TMPRSS15: variants seen among roughly 807,000 people sequenced by gnomAD.
The protein encoded by TMPRSS15 is transmembrane serine protease 15, also known as enteropeptidase.
A neutral mutation model predicts 125.3 loss-of-function variants in TMPRSS15; 128 were observed. The observed-to-expected ratio is 1.02, with a 90% CI of 0.89 to 1.18. The LOEUF is 1.18. Ranked by LOEUF, TMPRSS15 falls within the 50% of genes most tolerant of loss-of-function variation. The probability of loss-of-function intolerance (pLI) is 0.00; values close to 1 mark genes in which losing one functional copy is unlikely to be tolerated. For synonymous variants in TMPRSS15, 446 were observed against 423.2 expected (o/e 1.05, Z -0.66); for missense variants, 1,283 against 1,212.7 (o/e 1.06, Z -0.86).
At chr21:18,430,311 G>T (rs896596244) in intron 1 of TMPRSS15, among the ~76,000 whole-genome samples, 4 of 152,156 alleles carry the variant, frequency 2.6e-5, no homozygotes, top group Non-Finnish European at 5.9e-5. Flanking sequence ...AAGATGTGTA[G>T]TATCTGTCCA....
At position 18,291,023 on chromosome 21, in the gene TMPRSS15, A is replaced by C. The variant is rs539232049; in HGVS notation, c.2486+3247T>G. ...ATATGTTGAATATCTATTGTGCAAG[A>C]CTTGGCGTCTTCTTTCATAGAGCTT... On this transcript the variant is annotated intron_variant, in intron 21 of 24. Coordinates refer to ENST00000284885, the MANE Select transcript of TMPRSS15 (RefSeq NM_002772.3). Among the ~76,000 whole-genome samples, 15 of 152,358 alleles carry C rather than the reference A, an allele frequency of 9.8e-5. No individual in the cohort carries two copies. In the South Asian group the frequency reaches 2.7e-3, roughly 27 times the overall value.
chr21:18,327,366 A>C (rs563748536), intron 15 of TMPRSS15, among the ~76,000 whole-genome samples: 1 of 152,324 alleles, frequency 6.6e-6, no homozygotes, highest in East Asian at 1.9e-4. Flanking sequence ...AAACTATTTA[A>C]AATTTTTTAT....
chr21:18,273,612 T>C (rs1240406433), intron 24 of TMPRSS15, among the ~76,000 whole-genome samples: 1 of 152,178 alleles, frequency 6.6e-6, no homozygotes, highest in Non-Finnish European at 1.5e-5. Context: ...TCAGCCGTCA[T>C]ATTTTCTGCC....
rs150631028 is a variant in TMPRSS15 at position 18,318,377 on chromosome 21, C to G, written c.1922-3121G>C. Reference sequence around the variant, plus strand: ...AACAGAGCTGGCATTTGGCCAGAAGCTGGTGTTTGCCAAATGAAAACTACA... The same window carrying G: ...AACAGAGCTGGCATTTGGCCAGAAGGTGGTGTTTGCCAAATGAAAACTACA... On this transcript the variant is annotated intron_variant, in intron 16 of 24. Coordinates refer to ENST00000284885, the MANE Select transcript of TMPRSS15 (RefSeq NM_002772.3). Among the ~76,000 whole-genome samples, 1,010 of 152,162 alleles carry G rather than the reference C, an allele frequency of 6.6e-3. 20 individuals carry two copies. Among genetic ancestry groups the G allele is most frequent in the Admixed American group, 0.033 (508 of 15,272 alleles).
chr21:18,378,690 T>C (rs1364107016), intron 5 of TMPRSS15, among the ~76,000 whole-genome samples: 1 of 152,032 alleles, frequency 6.6e-6, no homozygotes, highest in Admixed American at 6.6e-5. Flanking sequence ...CCCAGGACAT[T>C]TTATATGAAG....
chr21:18,385,718 C>G (rs768723434), intron 3 of TMPRSS15, among the ~76,000 whole-genome samples: 8 of 152,016 alleles, frequency 5.3e-5, no homozygotes, highest in Non-Finnish European at 1.2e-4. Context: ...CCTTTAAAAC[C>G]TCTAGATTTC....
chr21:18,469,134 C>G (rs1978728716), intron 1 of TMPRSS15, among the ~76,000 whole-genome samples: 1 of 152,106 alleles, frequency 6.6e-6, no homozygotes, highest in South Asian at 2.1e-4. Flanking sequence ...GCACTGCCAG[C>G]AGTTTTCCTT....
intron 1 of TMPRSS15, among the ~76,000 whole-genome samples, chr21:18,437,600 A>G (rs1439083138): frequency 6.6e-6 from 1 of 152,214 alleles, no homozygotes; most frequent in Non-Finnish European, 1.5e-5. Context: ...AATATCCAGA[A>G]TCTACAATGA....
At chr21:18,405,850 A>T (rs1401418076), upstream of TMPRSS15, among the ~76,000 whole-genome samples, 1 of 152,210 alleles carries the variant, frequency 6.6e-6, no homozygotes, top group Non-Finnish European at 1.5e-5. Flanking sequence ...TTAGAAAAGG[A>T]TTCAAAAATA....
intron 8 of TMPRSS15, among the ~76,000 whole-genome samples, chr21:18,356,453 C>A (rs1424423747): frequency 2.0e-5 from 3 of 151,572 alleles, no homozygotes; most frequent in Non-Finnish European, 4.4e-5. Context: ...AAAGAAGTAA[C>A]CAGTTTCCTC....
chr21:18,294,894 A>G (rs2074883970), intron 19 of TMPRSS15, among the ~76,000 whole-genome samples: 1 of 152,194 alleles, frequency 6.6e-6, no homozygotes, highest in South Asian at 2.1e-4. Flanking sequence ...TATCCCTGAG[A>G]CCCAGTTTCT....
Position 18,403,685 on chromosome 21 carries a change from G to T in TMPRSS15, c.-63C>A. On this transcript the variant is annotated 5_prime_UTR_variant, in exon 1 of 25. Coordinates refer to ENST00000284885, the MANE Select transcript of TMPRSS15 (RefSeq NM_002772.3). ...GAGAATATAAATAATTCTACCAACT[G>T]AAGAGAAAAATCTCTCAAATTTTTA... 3 of 1,602,066 alleles carry T rather than the reference G, an allele frequency of 1.9e-6. No individual in the cohort carries two copies. The highest frequency in any genetic ancestry group is 2.6e-6 in the Non-Finnish European group (3 of 1,171,256).
At chr21:18,349,189 T>C (rs2075539134) in intron 10 of TMPRSS15, among the ~76,000 whole-genome samples, 1 of 152,196 alleles carries the variant, frequency 6.6e-6, no homozygotes, top group South Asian at 2.1e-4. Context: ...ATCCCTATAT[T>C]TCTGAAGTTT....
chr21:18,308,702 A>G (rs972338086), intron 18 of TMPRSS15, among the ~76,000 whole-genome samples: 8 of 151,842 alleles, frequency 5.3e-5, no homozygotes, highest in Admixed American at 3.9e-4. Context: ...TCAACCCATC[A>G]TCTACATTAG....
At chr21:18,436,701 G>A (rs1017749018) in intron 1 of TMPRSS15, among the ~76,000 whole-genome samples, 151 of 150,000 alleles carry the variant, frequency 1.0e-3, no homozygotes, top group Non-Finnish European at 1.7e-3. Flanking sequence ...TTGCTTCAAA[G>A]AGAATAAAAT....
At chr21:18,375,639 T>C (rs1258743248) in intron 5 of TMPRSS15, among the ~76,000 whole-genome samples, 1 of 152,228 alleles carries the variant, frequency 6.6e-6, no homozygotes, top group East Asian at 1.9e-4. Context: ...ATCTATGTGG[T>C]ATTTTACCTT....
intron 9 of TMPRSS15, 75 bp from the exon 10 acceptor site, chr21:18,353,127 A>T: frequency 1.5e-6 from 2 of 1,329,998 alleles, no homozygotes; most frequent in Non-Finnish European, 2.1e-6. Context: ...TTGTATTGAA[A>T]ATAATCTAAC....
At chr21:18,466,312 G>T (rs1417610281) in intron 1 of TMPRSS15, among the ~76,000 whole-genome samples, 1 of 152,046 alleles carries the variant, frequency 6.6e-6, no homozygotes, top group East Asian at 1.9e-4. Flanking sequence ...AAAACCCCTA[G>T]AAGAAAACCT....
intron 5 of TMPRSS15, among the ~76,000 whole-genome samples, chr21:18,374,753 C>T (rs1478126511): frequency 2.0e-5 from 3 of 152,086 alleles, no homozygotes; most frequent in Non-Finnish European, 4.4e-5. Flanking sequence ...TAAGACCACT[C>T]GAGAAGCAGT....
Sources: gnomAD v4.1 joint callset for allele counts (sites outside exome capture counted in the v4.1 genomes callset) on GRCh38, gnomAD v4.1.1 for gene constraint, MANE v1.5 for transcripts, NCBI Gene and HGNC (gene_info 2026-07-23, HGNC 2026-07-21) for gene names.